The following BMP8B variants were observed in gnomAD, a reference collection of about 807,000 sequenced individuals.
The protein encoded by BMP8B is bone morphogenetic protein 8b, also known as bone morphogenetic protein 8 (osteogenic protein 2).
A neutral mutation model predicts 30.3 loss-of-function variants in BMP8B; 17 were observed. That is an observed-to-expected ratio of 0.56 (90% CI 0.38 to 0.84). BMP8B has a LOEUF of 0.84. BMP8B is among the 40% of genes least tolerant of loss of function. The probability of loss-of-function intolerance (pLI) is 0.00; values close to 1 mark genes in which losing one functional copy is unlikely to be tolerated. For synonymous variants in BMP8B, 131 were observed against 214.7 expected, an observed-to-expected ratio of 0.61 and a Z score of 3.41; for missense variants, 253 against 494.6, an observed-to-expected ratio of 0.51 and a Z score of 4.63.
chr1:39,778,026 G>A (rs1463300689), intron 1 of BMP8B, among the ~76,000 whole-genome samples: 1 of 152,258 alleles, frequency 6.6e-6, no homozygotes. Flanking sequence ...TCTGGACAGC[G>A]AGCCCTTGGA....
intron 1 of BMP8B, among the ~76,000 whole-genome samples, chr1:39,779,709 TCA>T (rs1010791875): frequency 6.6e-6 from 1 of 152,178 alleles, no homozygotes; most frequent in Admixed American, 6.5e-5. Flanking sequence ...CTGTGCCAGG[TCA>T]CACTTTTTAA....
chr1:39,783,325 GCTT>G (rs1650776895), intron 1 of BMP8B, among the ~76,000 whole-genome samples: 1 of 152,174 alleles, frequency 6.6e-6, no homozygotes, highest in Non-Finnish European at 1.5e-5. Context: ...TTGAGACTCA[GCTT>G]CCTCCTCTGT....
intron 6 of BMP8B, chr1:39,761,070 C>T (rs754445609): frequency 3.1e-5 from 5 of 160,128 alleles, no homozygotes; most frequent in Non-Finnish European, 5.5e-5. Flanking sequence ...GGACTGCATC[C>T]GCCCTCAGCA....
In BMP8B at chr1:39,788,470, C is replaced by G; in HGVS notation, c.16G>C (p.Gly6Arg). MTALP[G>R]PLWLLGLALC... ...GCCAGGCCCAGGAGCCAGAGCGGGC[C>G]GGGGAGCGCGGTCATGGCAGGCCGG... The change falls in exon 1 of 7, where the codon GGC (glycine) becomes CGC (arginine). Residue 6 changes from glycine to arginine, a missense_variant. Around this residue, in one of 7 missense-constraint regions of BMP8B, gnomAD observed 54 missense variants for 70.8 expected, o/e 0.76. Coordinates refer to ENST00000372827, the MANE Select transcript of BMP8B (RefSeq NM_001720.5). The surrounding 1 kb of genome is among the most constrained non-coding windows in gnomAD (Gnocchi z 5.8). 2 of 1,022,104 alleles carry G rather than the reference C, an allele frequency of 2.0e-6. No individual in the cohort carries two copies. The highest frequency in any genetic ancestry group is 1.2e-6 in the Non-Finnish European group (1 of 855,488). The allele number at this position is 1,022,104 out of a possible 1,614,324, so 63.3% of individuals were successfully genotyped here. A position where few individuals can be genotyped will look rare whatever the true frequency, so the allele number is the denominator to read the frequency against.
At position 39,760,396 on chromosome 1, in the gene BMP8B, G is replaced by A; in HGVS notation, c.*23C>T. On this transcript the variant is annotated 3_prime_UTR_variant, in exon 7 of 7. Coordinates refer to ENST00000372827, the MANE Select transcript of BMP8B (RefSeq NM_001720.5). ...CCCGATCCAGATGAGAAGGGTGGCT[G>A]CAGCTGGGCCGGGCGGGTGGACTCA... 6.2e-7 allele frequency: 1 copy of A among 1,612,544 alleles called. No homozygotes were observed. The highest frequency in any genetic ancestry group is 8.5e-7 in the Non-Finnish European group (1 of 1,179,856).
chr1:39,782,346 A>G (rs893360484), intron 1 of BMP8B, among the ~76,000 whole-genome samples: 28 of 152,168 alleles, frequency 1.8e-4, no homozygotes, highest in Non-Finnish European at 8.8e-5. Context: ...TTCTGGAGCT[A>G]TGCTTTTTAC....
rs148910981 is a variant in BMP8B, at chr1:39,760,297, G to A, written c.*122C>T. On this transcript the variant is annotated 3_prime_UTR_variant, in exon 7 of 7. Coordinates refer to ENST00000372827, the MANE Select transcript of BMP8B (RefSeq NM_001720.5). ...TGAAGGAGAAAGGGTCATGTACGTG[G>A]TTGTGAGGGTCCTCCCTGGCAATGC... 2,612 of 1,461,074 alleles carry A rather than the reference G, an allele frequency of 1.8e-3. 38 individuals are homozygous for A. The East Asian group carries it at 0.037, about 21-fold the overall frequency. The allele number at this position is 1,461,074 out of a possible 1,614,324, so 90.5% of individuals were successfully genotyped here.
At chr1:39,772,469 G>A (rs1196411407) in intron 3 of BMP8B, among the ~76,000 whole-genome samples, 1 of 77,318 alleles carries the variant, frequency 1.3e-5, no homozygotes, top group Non-Finnish European at 2.6e-5. Flanking sequence ...CACCTCCCTC[G>A]CCTGGGTCTT....
rs1217055713 is a variant in BMP8B at position 39,788,329 on chromosome 1, C to T, written c.157G>A (p.Gly53Arg). The T allele has an allele frequency of 8.2e-7, 1 of 1,219,766 alleles. No individual in the cohort carries two copies. The highest frequency in any genetic ancestry group is 1.0e-6 in the Non-Finnish European group (1 of 984,834). 75.6% of individuals were successfully genotyped at this position (1,219,766 alleles called of 1,614,324 possible). Reference protein sequence around the residue: ...DVQREILAVLGLPGRPRPRAP... With the variant: ...DVQREILAVLRLPGRPRPRAP... ...CGGGGCCGGGGCCGCCCAGGCAGCCCGAGCACCGCCAGGATCTCGCGCTGC... is the reference window on the plus strand; with the variant it reads ...CGGGGCCGGGGCCGCCCAGGCAGCCTGAGCACCGCCAGGATCTCGCGCTGC... Residue 53 changes from glycine (G) to arginine (R), a missense_variant, in exon 1 of 7, where the codon GGG becomes AGG. This residue lies in a region of BMP8B where 54 missense variants were observed against 70.8 expected (regional missense o/e 0.76). Coordinates refer to ENST00000372827, the MANE Select transcript of BMP8B (RefSeq NM_001720.5). The surrounding 1 kb of genome is among the most constrained non-coding windows in gnomAD (Gnocchi z 5.8).
chr1:39,770,360 C>A (rs1649870811), intron 3 of BMP8B: 7 of 1,595,176 alleles, frequency 4.4e-6, no homozygotes, highest in Non-Finnish European at 6.0e-6. Flanking sequence ...GATGCGCGTC[C>A]TGGCGTCCTC....
In BMP8B at chr1:39,788,612, G is replaced by T; in HGVS notation, c.-127C>A. On this transcript the variant is annotated 5_prime_UTR_variant, in exon 1 of 7. Transcript: ENST00000372827. The surrounding 1 kb of genome is among the most constrained non-coding windows in gnomAD (Gnocchi z 5.8). ...GGCGGGCGGCGGGCGGCGGGGCGGG[G>T]CGGGACGGGCGGCGACCGCGGCCTC... is the stretch of plus-strand genomic sequence containing the variant. 3 of 858,480 alleles carry T rather than the reference G, an allele frequency of 3.5e-6. No individual in the cohort carries two copies. Among genetic ancestry groups the T allele is most frequent in the Non-Finnish European group, 4.2e-6 (3 of 714,956 alleles). The allele number at this position is 858,480 out of a possible 1,614,324, so 53.2% of individuals were successfully genotyped here.
chr1:39,775,169 G>C, intron 1 of BMP8B, 131 bp from the exon 2 acceptor site: 3 of 1,388,302 alleles, frequency 2.2e-6, no homozygotes, highest in South Asian at 1.4e-5. Flanking sequence ...GCCTGGGTGG[G>C]GCCGGCTTCA....
rs369329057 is a variant in BMP8B at position 39,787,276 on chromosome 1, C to T, written c.334+876G>A. On this transcript the variant is annotated intron_variant, in intron 1 of 6. Coordinates refer to ENST00000372827, the MANE Select transcript of BMP8B (RefSeq NM_001720.5). ...CCCTCCTCTCAGCCCCACAGCTCCC[C>T]GACTTTGGGCTGATCTGTGGTCCTT... 5.5e-4 allele frequency among the ~76,000 whole-genome samples: 84 copies of T among 152,282 alleles called. 1 individual carries two copies. Among genetic ancestry groups the T allele is most frequent in the African/African-American group, 1.9e-3 (80 of 41,552 alleles).
At chr1:39,778,046 C>A (rs910672786) in intron 1 of BMP8B, among the ~76,000 whole-genome samples, 2 of 152,184 alleles carry the variant, frequency 1.3e-5, no homozygotes, top group African/African-American at 4.8e-5. Context: ...AGGGCCGGGA[C>A]GGAGCCACGT....
At chr1:39,781,275 T>A (rs1370471955) in intron 1 of BMP8B, among the ~76,000 whole-genome samples, 1 of 152,172 alleles carries the variant, frequency 6.6e-6, no homozygotes, top group Admixed American at 6.5e-5. Flanking sequence ...CCCTGATGTG[T>A]GCAGGGTCCA....
chr1:39,768,083 C>A, intron 3 of BMP8B, among the ~76,000 whole-genome samples: 1 of 104,804 alleles, frequency 9.5e-6, no homozygotes, highest in East Asian at 2.1e-4. Flanking sequence ...CGCGTGCATG[C>A]ACACACACAC....
At chr1:39,782,915 G>A (rs958764311) in intron 1 of BMP8B, among the ~76,000 whole-genome samples, 1 of 151,842 alleles carries the variant, frequency 6.6e-6, no homozygotes, top group South Asian at 2.1e-4. Flanking sequence ...CGCCTCAGCC[G>A]CCTGAGTAGT....
intron 1 of BMP8B, among the ~76,000 whole-genome samples, chr1:39,778,410 AC>A (rs1275459854): frequency 6.6e-6 from 1 of 151,158 alleles, no homozygotes; most frequent in East Asian, 1.9e-4. Flanking sequence ...GGCACTTCAG[AC>A]CCAAAAGAAG....
Position 39,788,230 on chromosome 1 carries a change from C to T in BMP8B, c.256G>A (p.Gly86Ser), listed in dbSNP as rs750793099. The T allele has an allele frequency of 5.0e-5, 79 of 1,569,248 alleles. No individual in the cohort carries two copies. Among genetic ancestry groups the T allele is most frequent in the Admixed American group, 2.5e-4 (14 of 56,872 alleles). ...FMLDLYHAMA[G>S]DDDEDGAPAE... is the part of the protein sequence containing the mutation. ...GGCGCGCCGTCCTCGTCGTCGTCGC[C>T]GGCCATGGCGTGGTACAGGTCCAGC... The change falls in exon 1 of 7, where the codon GGC becomes AGC. Residue 86 changes from glycine to serine, a missense_variant. Physicochemically the swap from Gly to Ser is moderately conservative, Grantham distance 56. Around this residue, in one of 7 missense-constraint regions of BMP8B, gnomAD observed 52 missense variants for 68.3 expected, o/e 0.76. Coordinates refer to ENST00000372827, the MANE Select transcript of BMP8B (RefSeq NM_001720.5). This position sits in a 1 kb window ranked among gnomAD's most constrained non-coding sequence, Gnocchi z 5.8.
Sources: gnomAD v4.1 joint callset for allele counts (sites outside exome capture counted in the v4.1 genomes callset) on GRCh38, gnomAD v4.1.1 for gene constraint, gnomAD v4.1.1 regional missense constraint, Gnocchi (gnomAD v3.1) non-coding constraint, MANE v1.5 for transcripts, NCBI Gene and HGNC (gene_info 2026-07-23, HGNC 2026-07-21) for gene names.